Variants in RIMS2 observed in about 807,000 individuals in gnomAD.
The protein encoded by RIMS2 is regulating synaptic membrane exocytosis protein 2.
A neutral mutation model predicts 174.4 loss-of-function variants in RIMS2; 59 were observed. The ratio of observed to expected loss-of-function variants is 0.34; its 90% CI spans 0.27 to 0.42. The LOEUF (loss-of-function observed/expected upper bound fraction) is 0.42, where lower values mean the gene tolerates loss of function less well. RIMS2 is among the 10% of genes least tolerant of loss of function. The pLI, the probability that RIMS2 is intolerant of heterozygous loss-of-function variation, is 1.00. For synonymous variants in RIMS2, 606 were observed against 572.5 expected, an observed-to-expected ratio of 1.06 and a Z score of -0.84; for missense variants, 1,620 against 1,666.3, an observed-to-expected ratio of 0.97 and a Z score of 0.48.
intron 15 of RIMS2, among the ~76,000 whole-genome samples, chr8:103,968,526 G>C (rs1221385799): frequency 6.8e-6 from 1 of 147,448 alleles, no homozygotes; most frequent in African/African-American, 2.5e-5. Context: ...TTTTTTTTTG[G>C]GTAGGTACTC....
intron 19 of RIMS2, among the ~76,000 whole-genome samples, chr8:104,163,568 G>C (rs2441872): frequency 6.6e-6 from 1 of 151,916 alleles, no homozygotes. Flanking sequence ...AACCGTGTAG[G>C]ATCTGAATTT....
chr8:104,021,067 G>A (rs778986232), intron 19 of RIMS2, among the ~76,000 whole-genome samples: 7 of 151,656 alleles, frequency 4.6e-5, no homozygotes, highest in Non-Finnish European at 1.0e-4. Context: ...ATAAAATTTG[G>A]CCCATTACTG....
At chr8:103,565,014 G>T (rs1052443929) in intron 1 of RIMS2, among the ~76,000 whole-genome samples, 1 of 152,182 alleles carries the variant, frequency 6.6e-6, no homozygotes, top group Admixed American at 6.5e-5. Context: ...ATGTAGAGAA[G>T]CCTCATACTT....
exon 16 of RIMS2, chr8:103,975,463 G>A (rs1463677242): frequency 6.2e-7 from 1 of 1,613,244 alleles, no homozygotes; most frequent in Non-Finnish European, 8.5e-7. Flanking sequence ...AGATGTTATA[G>A]GAAGGACTAG....
intron 22 of RIMS2, 34 bp downstream of exon 28, chr8:104,249,622 A>G: frequency 1.7e-6 from 2 of 1,191,344 alleles, no homozygotes; most frequent in Non-Finnish European, 2.5e-6. Flanking sequence ...ATTATTGTCC[A>G]TAATCCATAT....
At chr8:103,609,576 A>G (rs1404773083) in intron 1 of RIMS2, among the ~76,000 whole-genome samples, 2 of 152,176 alleles carry the variant, frequency 1.3e-5, no homozygotes, top group Non-Finnish European at 2.9e-5. Context: ...TGCAAACACT[A>G]TAGTCAGTTA....
chr8:103,827,703 T>C (rs10093589), intron 3 of RIMS2, among the ~76,000 whole-genome samples: 1,764 of 152,074 alleles, frequency 0.012, 32 homozygotes, highest in African/African-American at 0.039. Context: ...GGCGTGGCCG[T>C]GTGTGTCTGT....
At chr8:104,238,646 C>T (rs962993397) in intron 19 of RIMS2, among the ~76,000 whole-genome samples, 1 of 151,998 alleles carries the variant, frequency 6.6e-6, no homozygotes, top group Non-Finnish European at 1.5e-5. Flanking sequence ...AAGTCTTCTA[C>T]CAAAGACAAA....
chr8:103,750,618 T>G (rs2097876380), intron 2 of RIMS2, among the ~76,000 whole-genome samples: 1 of 152,074 alleles, frequency 6.6e-6, no homozygotes, highest in Non-Finnish European at 1.5e-5. Context: ...TAGAAATCAT[T>G]GGATCATGGA....
At chr8:104,010,103 A>G (rs547069942) in intron 17 of RIMS2, among the ~76,000 whole-genome samples, 1 of 152,254 alleles carries the variant, frequency 6.6e-6, no homozygotes, top group East Asian at 1.9e-4. Flanking sequence ...CCCTTGCAAG[A>G]CAATTCCCTT....
intron 19 of RIMS2, among the ~76,000 whole-genome samples, chr8:104,186,233 G>C (rs907867404): frequency 1.3e-5 from 2 of 151,572 alleles, no homozygotes; most frequent in Non-Finnish European, 3.0e-5. Flanking sequence ...TGGAGATTCG[G>C]AAGAGTGAAG....
exon 22 of RIMS2, chr8:104,249,511 A>G (rs774502188): frequency 3.1e-6 from 5 of 1,610,530 alleles, no homozygotes; most frequent in Non-Finnish European, 4.2e-6. Flanking sequence ...GGAATGATGG[A>G]CAAAAAGGGA....
chr8:103,600,998 G>C (rs2094709442), intron 1 of RIMS2, among the ~76,000 whole-genome samples: 1 of 152,076 alleles, frequency 6.6e-6, no homozygotes, highest in Non-Finnish European at 1.5e-5. Context: ...TTTGTCATTT[G>C]TATGTCTTCT....
At chr8:104,239,751 A>T (rs1313227372) in intron 19 of RIMS2, among the ~76,000 whole-genome samples, 5 of 152,172 alleles carry the variant, frequency 3.3e-5, no homozygotes, top group Non-Finnish European at 5.9e-5. Flanking sequence ...AATTATCACA[A>T]ATTTAACAGC....
intron 3 of RIMS2, among the ~76,000 whole-genome samples, chr8:103,845,873 A>G (rs571415166): frequency 6.6e-6 from 1 of 152,166 alleles, no homozygotes; most frequent in Admixed American, 6.6e-5. Flanking sequence ...AGTACCTACA[A>G]CTTGCCAACT....
At chr8:104,246,306 C>T (rs2099329905) in intron 20 of RIMS2, among the ~76,000 whole-genome samples, 3 of 152,112 alleles carry the variant, frequency 2.0e-5, no homozygotes, top group South Asian at 4.2e-4. Flanking sequence ...GTCTGGTTCT[C>T]TCATCTGGGT....
chr8:103,500,901 C>T (rs1434560861), exon 1 of RIMS2: 2 of 1,598,706 alleles, frequency 1.3e-6, no homozygotes, highest in South Asian at 2.2e-5. Flanking sequence ...CGGCTCCTGT[C>T]GGGCCCCGGG....
chr8:104,108,236 C>CT (rs564703896), intron 19 of RIMS2, among the ~76,000 whole-genome samples: 22 of 151,796 alleles, frequency 1.4e-4, no homozygotes, highest in African/African-American at 4.8e-4. Flanking sequence ...GTTATTTTTT[C>CT]TTTTTTTTAT....
intron 1 of RIMS2, among the ~76,000 whole-genome samples, chr8:103,577,466 G>T (rs2093330694): frequency 1.3e-5 from 2 of 152,262 alleles, no homozygotes; most frequent in Middle Eastern, 3.4e-3. Context: ...GGGCCTGTCA[G>T]GGGCAGCTAG....
Sources: gnomAD v4.1 joint callset for allele counts (sites outside exome capture counted in the v4.1 genomes callset) on GRCh38, gnomAD v4.1.1 for gene constraint, MANE v1.5 for transcripts, NCBI Gene and HGNC (gene_info 2026-07-23, HGNC 2026-07-21) for gene names.